NCOR2: variants seen among roughly 807,000 people sequenced by gnomAD.
NCOR2 encodes the protein nuclear receptor corepressor 2, also known as CTG repeat protein 26.
In NCOR2, 81 loss-of-function variants were observed where a neutral mutation model predicts 262.9. The observed-to-expected ratio is 0.31, with a 90% CI of 0.26 to 0.37. The LOEUF is 0.37. Ranked by LOEUF, NCOR2 falls within the 10% of genes least tolerant of loss-of-function variation. The probability of loss-of-function intolerance (pLI) is 1.00; values close to 1 mark genes in which losing one functional copy is unlikely to be tolerated. For missense variants in NCOR2, 3,385 were observed against 3,621.4 expected, an observed-to-expected ratio of 0.93 and a Z score of 1.68; for synonymous variants, 1,659 against 1,559.3, an observed-to-expected ratio of 1.06 and a Z score of -1.51.
chr12:124,345,017 C>G (rs2036793328), intron 31 of NCOR2, 66 bp from the exon 34 acceptor site: 23 of 1,368,962 alleles, frequency 1.7e-5, no homozygotes, highest in Non-Finnish European at 2.1e-5. Flanking sequence ...CTGCATCCCC[C>G]TTCTGAGCCT....
At chr12:124,535,829 G>C (rs889459697), upstream of NCOR2, among the ~76,000 whole-genome samples, 1 of 152,154 alleles carries the variant, frequency 6.6e-6, no homozygotes, top group African/African-American at 2.4e-5. Context: ...CTCATGCCCA[G>C]GTTCTCAGAG....
chr12:124,336,513 G>T, intron 38 of NCOR2: 1 of 1,144,300 alleles, frequency 8.7e-7, no homozygotes, highest in Non-Finnish European at 1.1e-6. Flanking sequence ...AACCGGCGAG[G>T]ACGGATGGGC....
upstream of NCOR2, chr12:124,495,442 T>C (rs536743345): frequency 4.6e-5 from 55 of 1,202,600 alleles, no homozygotes; most frequent in Non-Finnish European, 5.7e-5. This position sits in a 1 kb window ranked among gnomAD's most constrained non-coding sequence, Gnocchi z 4.4. Flanking sequence ...GGTCCCCGAG[T>C]CGTTCCTGTG....
exon 20 of NCOR2, chr12:124,372,243 G>C: frequency 6.3e-7 from 1 of 1,594,982 alleles, no homozygotes; most frequent in Non-Finnish European, 8.5e-7. Context: ...ACTCGCTCTT[G>C]ACGGGCTCCT....
At chr12:124,496,786 T>C (rs1215936772), upstream of NCOR2, among the ~76,000 whole-genome samples, 1 of 150,968 alleles carries the variant, frequency 6.6e-6, no homozygotes, top group African/African-American at 2.4e-5. The surrounding 1 kb of genome is among the most constrained non-coding windows in gnomAD (Gnocchi z 4.4). Flanking sequence ...CCAATCAGAG[T>C]CCTGCATGCT....
intron 8 of NCOR2, 133 bp from the exon 11 acceptor site, chr12:124,430,920 A>G: frequency 1.0e-6 from 1 of 977,242 alleles, no homozygotes; most frequent in Non-Finnish European, 1.5e-6. Context: ...GCACACACAT[A>G]TACAGTCAGA....
chr12:124,392,207 C>T (rs2136153048), intron 16 of NCOR2, among the ~76,000 whole-genome samples: 1 of 152,294 alleles, frequency 6.6e-6, no homozygotes, highest in African/African-American at 2.4e-5. Context: ...GGAAGGGGGG[C>T]TTGTTGATGC....
intron 20 of NCOR2, among the ~76,000 whole-genome samples, chr12:124,370,036 G>A (rs1372527577): frequency 1.3e-5 from 2 of 152,194 alleles, no homozygotes; most frequent in Non-Finnish European, 2.9e-5. Context: ...GGCGAAGGCA[G>A]AAACATGTGT....
At chr12:124,450,146 G>A (rs944983846) in intron 6 of NCOR2, among the ~76,000 whole-genome samples, 1 of 152,180 alleles carries the variant, frequency 6.6e-6, no homozygotes, top group Non-Finnish European at 1.5e-5. Context: ...GCCTGGAAGG[G>A]GCCACAGCCC....
intron 4 of NCOR2, 24 bp downstream of exon 6, chr12:124,472,928 C>A (rs1454321954): frequency 1.9e-6 from 3 of 1,612,482 alleles, no homozygotes; most frequent in Non-Finnish European, 2.5e-6. Flanking sequence ...AACAAACACT[C>A]CCCCTCCCCC....
intron 11 of NCOR2, among the ~76,000 whole-genome samples, chr12:124,424,639 C>A (rs1024640420): frequency 2.0e-5 from 3 of 152,192 alleles, no homozygotes; most frequent in Non-Finnish European, 4.4e-5. Flanking sequence ...TCTGCACTTG[C>A]GGGTCCACTC....
chr12:124,462,489 G>A (rs1195426224), intron 5 of NCOR2, among the ~76,000 whole-genome samples: 2 of 152,248 alleles, frequency 1.3e-5, no homozygotes, highest in Admixed American at 1.3e-4. Context: ...CTCTCCCAGG[G>A]TGGGTGACGA....
Position 124,385,883 on chromosome 12 carries a change from G to A in NCOR2, c.1881C>T (p.Leu627=), listed in dbSNP as rs375563372. The A allele has an allele frequency of 3.3e-4, 539 of 1,613,242 alleles. 7 individuals are homozygous for A. The South Asian group carries it at 4.5e-3, about 13-fold the overall frequency. ...CCGACCAGTTGCGGCCGTGTTCCAG[G>A]AGACCTGTCTCAGGAGAGGAGGGCA... is the stretch of plus-strand genomic sequence containing the variant. Residue 627 remains leucine, a synonymous_variant, in exon 17 of 47, where the codon CTC becomes CTT. Coordinates refer to ENST00000405201, the Ensembl canonical transcript of NCOR2.
exon 4 of NCOR2, chr12:124,473,090 G>A (rs765638890): frequency 3.1e-6 from 5 of 1,612,682 alleles, no homozygotes; most frequent in East Asian, 4.5e-5. Flanking sequence ...GCGGGGGGCT[G>A]GGGGGAGACA....
exon 34 of NCOR2, chr12:124,341,847 G>A: frequency 6.2e-7 from 1 of 1,607,866 alleles, no homozygotes. Flanking sequence ...GCGTAGTTGA[G>A]TGCCAGCGAG....
At chr12:124,486,345 G>A (rs924868070) in intron 2 of NCOR2, 96 bp downstream of exon 4, 101 of 1,534,074 alleles carry the variant, frequency 6.6e-5, no homozygotes, top group Non-Finnish European at 8.6e-5. Context: ...CATTTCACAG[G>A]ACCCTGTGTG....
rs1297923260 is a variant in NCOR2 at position 124,421,188 on chromosome 12, C to T, written c.1384-1133G>A. Among the ~76,000 whole-genome samples, 6 of 152,382 alleles carry T rather than the reference C, an allele frequency of 3.9e-5. No individual in the cohort carries two copies. In the South Asian group the frequency reaches 1.2e-3, roughly 32 times the overall value. On this transcript the variant is annotated intron_variant, in intron 12 of 46. Transcript: ENST00000405201. The stretch of plus-strand genomic sequence containing the variant: ...ACGTCAGCCTCACTCACTGTCAAGA[C>T]CTGACTGTCCCCGCCGGCCTCTCCG...
intron 45 of NCOR2, among the ~76,000 whole-genome samples, chr12:124,326,577 G>C (rs1048607347): frequency 6.6e-6 from 1 of 152,164 alleles, no homozygotes; most frequent in Non-Finnish European, 1.5e-5. Flanking sequence ...CTGGAGGGTG[G>C]AGATAGTTTC....
rs2048952830 is a variant in NCOR2 at position 124,504,733 on chromosome 12, G to A, written c.-117-9365C>T. Among the ~76,000 whole-genome samples, 1 of 152,200 alleles carries A rather than the reference G, an allele frequency of 6.6e-6. No homozygotes were observed. The highest frequency in any genetic ancestry group is 1.5e-5 in the Non-Finnish European group (1 of 68,036). ...AGGTAAGCGCTGACTCAGCCACAACGCAGGTGAGCCCTGAAGACATGGCAC... is the reference window on the plus strand; with the variant it reads ...AGGTAAGCGCTGACTCAGCCACAACACAGGTGAGCCCTGAAGACATGGCAC... On this transcript the variant is annotated intron_variant, in intron 1 of 46. Transcript: ENST00000404621. The surrounding 1 kb of genome is among the most constrained non-coding windows in gnomAD (Gnocchi z 4.5).
Sources: gnomAD v4.1 joint callset for allele counts (sites outside exome capture counted in the v4.1 genomes callset) on GRCh38, gnomAD v4.1.1 for gene constraint, Gnocchi (gnomAD v3.1) non-coding constraint, MANE v1.5 for transcripts, NCBI Gene and HGNC (gene_info 2026-07-23, HGNC 2026-07-21) for gene names.